The following HTR2C variants were observed in gnomAD, a reference collection of about 807,000 sequenced individuals.
HTR2C encodes the protein 5-hydroxytryptamine (serotonin) receptor 2C, G protein-coupled.
Under a neutral mutation model 21.0 loss-of-function variants are expected in HTR2C, and 5 were observed. The observed-to-expected ratio is 0.24, with a 90% CI of 0.12 to 0.50. HTR2C has a LOEUF of 0.50. Ranked by LOEUF, HTR2C falls within the 20% of genes least tolerant of loss-of-function variation. HTR2C has a pLI of 0.98. For synonymous variants in HTR2C, 150 were observed against 145.3 expected (o/e 1.03, Z -0.23); for missense variants, 271 against 371.2 (o/e 0.73, Z 2.22).
intron 2 of HTR2C, among the ~76,000 whole-genome samples, chrX:114,618,130 C>G (rs998953794): frequency 1.8e-5 from 2 of 112,018 alleles, no homozygotes; most frequent in African/African-American, 6.5e-5. Flanking sequence ...AACTGATTAT[C>G]GTAATTAATA....
chrX:114,906,926 T>C lies in HTR2C; in HGVS notation c.888T>C (p.Pro296=), dbSNP rs1556487111. 1 of 1,211,014 alleles carries C rather than the reference T, an allele frequency of 8.3e-7. No individual in the cohort carries two copies. The highest frequency in any genetic ancestry group is 1.8e-5 in the South Asian group (1 of 56,962). The change falls in exon 6 of 6, where the codon CCT becomes CCC. Residue 296 remains proline (P), a synonymous_variant. Coordinates refer to ENST00000276198, the MANE Select transcript of HTR2C (RefSeq NM_000868.4). ...ARRRKKKERR[P]RGTMQAINNE... is the part of the protein sequence containing the mutation. ...GAAGAAAGAAGAAGGAGAGACGTCC[T>C]AGGGGCACCATGCAGGCTATCAACA...
chrX:114,746,184 T>C (rs2069701907), intron 4 of HTR2C, among the ~76,000 whole-genome samples: 1 of 111,600 alleles, frequency 9.0e-6, no homozygotes, highest in Non-Finnish European at 1.9e-5. Context: ...CAAATTCTAC[T>C]GTACATTTCG....
chrX:114,756,287 G>A (rs1351675156), intron 4 of HTR2C, among the ~76,000 whole-genome samples: 2 of 111,849 alleles, frequency 1.8e-5, no homozygotes, highest in Non-Finnish European at 3.8e-5. Flanking sequence ...AAACACTTTG[G>A]CAGTTTATTA....
At chrX:114,828,225 T>C (rs2070694004) in intron 4 of HTR2C, among the ~76,000 whole-genome samples, 1 of 111,600 alleles carries the variant, frequency 9.0e-6, no homozygotes. Context: ...TACTCTTCTA[T>C]TGAGTCCATT....
chrX:114,793,429 T>A (rs1017340637), intron 4 of HTR2C, among the ~76,000 whole-genome samples: 1 of 112,031 alleles, frequency 8.9e-6, no homozygotes, highest in Non-Finnish European at 1.9e-5. Flanking sequence ...TCTTTTTGTT[T>A]CTTGGACATA....
intron 2 of HTR2C, among the ~76,000 whole-genome samples, chrX:114,721,836 G>A (rs1316498386): frequency 4.6e-5 from 5 of 108,510 alleles, no homozygotes; most frequent in Non-Finnish European, 9.6e-5. Context: ...GTAGGTATGC[G>A]GCGTTATTTC....
intron 5 of HTR2C, among the ~76,000 whole-genome samples, chrX:114,889,199 A>T (rs1212647745): frequency 3.6e-5 from 4 of 112,224 alleles, no homozygotes; most frequent in Admixed American, 9.5e-5. Flanking sequence ...TATATTCTTT[A>T]TCAATGAAGT....
intron 5 of HTR2C, among the ~76,000 whole-genome samples, chrX:114,862,769 A>T (rs782319643): frequency 9.0e-6 from 1 of 110,929 alleles, no homozygotes; most frequent in East Asian, 2.8e-4. Context: ...GCGACGTTAC[A>T]ATTCTTCTCA....
chrX:114,740,179 TTA>T (rs200594709), intron 4 of HTR2C, among the ~76,000 whole-genome samples: 1,193 of 106,691 alleles, frequency 0.011, 15 homozygotes, highest in African/African-American at 0.032. Context: ...ATATACACAT[TTA>T]TATATATATA....
intron 2 of HTR2C, among the ~76,000 whole-genome samples, chrX:114,621,061 A>G (rs782533757): frequency 9.0e-5 from 10 of 111,601 alleles, no homozygotes; most frequent in African/African-American, 2.9e-4. Context: ...TTGTATTTTT[A>G]GTAGAGACGA....
At chrX:114,839,427 C>A (rs782646119) in intron 4 of HTR2C, among the ~76,000 whole-genome samples, 1 of 111,756 alleles carries the variant, frequency 8.9e-6, no homozygotes, top group Non-Finnish European at 1.9e-5. Context: ...GGGCTTATGC[C>A]TGTAATCCCA....
At chrX:114,729,637 C>T (rs924110980) in intron 3 of HTR2C, among the ~76,000 whole-genome samples, 1 of 111,636 alleles carries the variant, frequency 9.0e-6, no homozygotes, top group African/African-American at 3.3e-5. Flanking sequence ...GAAAATAATA[C>T]ATTTGGAAGA....
At chrX:114,807,151 C>T (rs193267745) in intron 4 of HTR2C, among the ~76,000 whole-genome samples, 898 of 40,792 alleles carry the variant, frequency 0.022, 402 homozygotes, top group Admixed American at 0.04. Flanking sequence ...ACCATATATA[C>T]ACCATATATA....
intron 2 of HTR2C, among the ~76,000 whole-genome samples, chrX:114,725,336 G>A (rs1277615375): frequency 1.8e-5 from 2 of 111,362 alleles, no homozygotes; most frequent in African/African-American, 6.5e-5. Context: ...CATTCTTCAC[G>A]TAGTTCTTGA....
At chrX:114,881,845 T>C (rs1433458077) in intron 5 of HTR2C, among the ~76,000 whole-genome samples, 2 of 110,248 alleles carry the variant, frequency 1.8e-5, no homozygotes, top group Non-Finnish European at 3.8e-5. Flanking sequence ...TGCAATTTCA[T>C]ATGAATTTTA....
intron 4 of HTR2C, among the ~76,000 whole-genome samples, chrX:114,770,356 C>A (rs2069987876): frequency 9.0e-6 from 1 of 111,349 alleles, no homozygotes; most frequent in Non-Finnish European, 1.9e-5. Context: ...TTGATGGTGT[C>A]TCACAGGCCT....
intron 2 of HTR2C, among the ~76,000 whole-genome samples, chrX:114,620,745 C>A (rs1929124454): frequency 1.8e-5 from 2 of 112,120 alleles, no homozygotes; most frequent in Non-Finnish European, 3.8e-5. Flanking sequence ...TTCCATATAT[C>A]TACCATAATT....
chrX:114,846,640 C>T (rs782220802), intron 4 of HTR2C, among the ~76,000 whole-genome samples: 66 of 111,428 alleles, frequency 5.9e-4, no homozygotes, highest in Middle Eastern at 4.7e-3. Context: ...GTTCAACAAA[C>T]TAGGAATAAA....
intron 4 of HTR2C, among the ~76,000 whole-genome samples, chrX:114,749,284 A>C (rs7888116): frequency 0.046 from 4,962 of 107,227 alleles, 311 homozygotes; most frequent in African/African-American, 0.16. Flanking sequence ...CCCTGTCTCT[A>C]TAAAAAATAC....
Sources: gnomAD v4.1 joint callset for allele counts (sites outside exome capture counted in the v4.1 genomes callset) on GRCh38, gnomAD v4.1.1 for gene constraint, MANE v1.5 for transcripts, NCBI Gene and HGNC (gene_info 2026-07-23, HGNC 2026-07-21) for gene names.